Variants in RPS6KC1 observed in about 807,000 individuals in gnomAD.
RPS6KC1 encodes the protein inactive ribosomal protein S6 kinase delta-1.
In RPS6KC1, 54 loss-of-function variants were observed where a neutral mutation model predicts 103.8. The observed-to-expected ratio is 0.52, with a 90% CI of 0.42 to 0.65. The LOEUF (loss-of-function observed/expected upper bound fraction) is 0.65, where lower values mean the gene tolerates loss of function less well. Among genes scored for constraint, RPS6KC1 ranks in the 30% least tolerant of loss-of-function variants. The pLI is 0.00. For missense variants in RPS6KC1, 1,151 were observed against 1,253.8 expected, an observed-to-expected ratio of 0.92 and a Z score of 1.24; for synonymous variants, 439 against 438.7, an observed-to-expected ratio of 1.00 and a Z score of -0.01.
chr1:213,690,093 G>C, the RPS6KC1 span, among the ~76,000 whole-genome samples: 3 of 152,144 alleles, frequency 2.0e-5, no homozygotes, highest in South Asian at 6.2e-4. Context: ...AGTGCTTTCT[G>C]TTTCCTTTGC....
chr1:213,496,520 G>A, the RPS6KC1 span, among the ~76,000 whole-genome samples: 1 of 152,204 alleles, frequency 6.6e-6, no homozygotes, highest in East Asian at 1.9e-4. Context: ...CACTTTGGGA[G>A]GCTGAGGTGG....
chr1:213,704,567 C>T, the RPS6KC1 span, among the ~76,000 whole-genome samples: 1 of 152,156 alleles, frequency 6.6e-6, no homozygotes, highest in Non-Finnish European at 1.5e-5. Flanking sequence ...TTCCTCAAAA[C>T]AGCAATTTTG....
the RPS6KC1 span, among the ~76,000 whole-genome samples, chr1:213,603,948 T>A: frequency 6.6e-6 from 1 of 152,192 alleles, no homozygotes; most frequent in Non-Finnish European, 1.5e-5. Context: ...TTTCCATGTT[T>A]GTAGAGAGAA....
chr1:213,599,326 T>C, the RPS6KC1 span, among the ~76,000 whole-genome samples: 1 of 152,052 alleles, frequency 6.6e-6, no homozygotes, highest in African/African-American at 2.4e-5. Flanking sequence ...CTTAGCAGCT[T>C]CACAATTTCC....
chr1:213,457,202 T>A, the RPS6KC1 span, among the ~76,000 whole-genome samples: 3 of 152,346 alleles, frequency 2.0e-5, no homozygotes, highest in South Asian at 6.2e-4. Context: ...TTCTGTTCTT[T>A]CCAGCTGTCT....
the RPS6KC1 span, among the ~76,000 whole-genome samples, chr1:213,475,947 A>G: frequency 5.3e-5 from 8 of 152,202 alleles, no homozygotes; most frequent in Non-Finnish European, 8.8e-5. Flanking sequence ...CACATGGCAT[A>G]TTCCCCATTG....
At chr1:213,409,137 G>A in the RPS6KC1 span, among the ~76,000 whole-genome samples, 4 of 152,080 alleles carry the variant, frequency 2.6e-5, no homozygotes, top group East Asian at 3.9e-4. Flanking sequence ...GGTGCCACAC[G>A]ATTATTACTG....
At chr1:213,486,880 C>G in the RPS6KC1 span, among the ~76,000 whole-genome samples, 21 of 152,198 alleles carry the variant, frequency 1.4e-4, no homozygotes, top group African/African-American at 5.1e-4. Flanking sequence ...CTGTCTTCAC[C>G]ATTTACAGCT....
At chr1:213,271,571 C>G (rs1309368951) in intron 14 of RPS6KC1, among the ~76,000 whole-genome samples, 1 of 152,084 alleles carries the variant, frequency 6.6e-6, no homozygotes, top group Non-Finnish European at 1.5e-5. Context: ...CGAGACCATC[C>G]TGGCTAACAC....
the RPS6KC1 span, among the ~76,000 whole-genome samples, chr1:213,368,879 T>A: frequency 6.6e-6 from 1 of 152,364 alleles, no homozygotes; most frequent in South Asian, 2.1e-4. Flanking sequence ...TCGGTTTTTA[T>A]GTGCAAGATG....
At chr1:213,475,688 T>C in the RPS6KC1 span, among the ~76,000 whole-genome samples, 103 of 152,046 alleles carry the variant, frequency 6.8e-4, 2 homozygotes, top group East Asian at 0.019. Context: ...CATGGGTCAC[T>C]GTTTGAGCTT....
At position 213,091,118 on chromosome 1, in the gene RPS6KC1, C is replaced by T. The variant is rs55708110; in HGVS notation, c.262+13302C>T. ...TGTTGTCCAGGCTGGAGTGTAGTGG[C>T]GTGATCTCGGCTTACTGCAAGCTCT... On this transcript the variant is annotated intron_variant, in intron 3 of 14. Transcript: ENST00000366960. Among the ~76,000 whole-genome samples the T allele has an allele frequency of 2.6e-3, 387 of 151,544 alleles. 2 individuals are homozygous for T. Among genetic ancestry groups the T allele is most frequent in the African/African-American group, 8.6e-3 (354 of 41,284 alleles).
the RPS6KC1 span, among the ~76,000 whole-genome samples, chr1:213,857,133 A>T: frequency 6.6e-6 from 1 of 152,306 alleles, no homozygotes; most frequent in East Asian, 1.9e-4. Context: ...CTTTTTACCA[A>T]ATTGATTGAC....
chr1:213,463,778 G>A, the RPS6KC1 span, among the ~76,000 whole-genome samples: 1 of 152,060 alleles, frequency 6.6e-6, no homozygotes, highest in Non-Finnish European at 1.5e-5. Flanking sequence ...CAATCACTCT[G>A]GCAACTATTA....
the RPS6KC1 span, among the ~76,000 whole-genome samples, chr1:213,542,663 GTCTTAAGGGTT>G: frequency 7.5e-4 from 114 of 152,320 alleles, no homozygotes; most frequent in African/African-American, 2.5e-3. Context: ...TACTGTCTGA[GTCTTAAGGGTT>G]TCTTAATGTC....
chr1:213,587,148 G>T, the RPS6KC1 span, among the ~76,000 whole-genome samples: 1 of 152,180 alleles, frequency 6.6e-6, no homozygotes, highest in Admixed American at 6.5e-5. Flanking sequence ...ACCTGCCCAG[G>T]GATTGACAGA....
the RPS6KC1 span, among the ~76,000 whole-genome samples, chr1:213,503,381 G>T: frequency 1.3e-5 from 2 of 152,152 alleles, no homozygotes; most frequent in South Asian, 4.1e-4. Context: ...TATCCACACT[G>T]GTTTAATCAA....
chr1:213,317,609 G>A, the RPS6KC1 span, among the ~76,000 whole-genome samples: 2 of 152,194 alleles, frequency 1.3e-5, no homozygotes, highest in Admixed American at 6.5e-5. Flanking sequence ...AATTTGGGGA[G>A]GGGGACAAAA....
chr1:213,562,171 T>C, the RPS6KC1 span, among the ~76,000 whole-genome samples: 1 of 152,164 alleles, frequency 6.6e-6, no homozygotes, highest in Admixed American at 6.5e-5. Flanking sequence ...AAGTATGCTT[T>C]TGAAATCATC....
Sources: allele counts gnomAD v4.1 joint callset (sites outside exome capture counted in the v4.1 genomes callset), GRCh38; gene constraint gnomAD v4.1.1; transcripts MANE v1.5; gene names NCBI Gene and HGNC (gene_info 2026-07-23, HGNC 2026-07-21).